The following FBXO34 variants were observed in gnomAD, a reference collection of about 807,000 sequenced individuals.
FBXO34 encodes F-box protein 34, also known as F-box only protein 34.
In FBXO34, 12 loss-of-function variants were observed where a neutral mutation model predicts 24.5. That is an observed-to-expected ratio of 0.49 (90% CI 0.31 to 0.79). FBXO34 has a LOEUF of 0.79. Ranked by LOEUF, FBXO34 falls within the 30% of genes least tolerant of loss-of-function variation. The pLI is 0.04. For missense variants in FBXO34, 823 were observed against 857.7 expected (o/e 0.96, Z 0.51); for synonymous variants, 320 against 311.9 (o/e 1.03, Z -0.27).
At chr14:55,287,947 T>C (rs1484044176) in intron 1 of FBXO34, among the ~76,000 whole-genome samples, 1 of 152,240 alleles carries the variant, frequency 6.6e-6, no homozygotes, top group African/African-American at 2.4e-5. Context: ...GCCTGTGTTT[T>C]GACTGTGACC....
At chr14:55,437,118 A>T in the FBXO34 span, 1 of 1,039,398 alleles carries the variant, frequency 9.6e-7, no homozygotes, top group Non-Finnish European at 1.5e-6. Flanking sequence ...CAATGTATTC[A>T]GTGTAAGAGG....
the FBXO34 span, among the ~76,000 whole-genome samples, chr14:55,419,508 C>G: frequency 6.6e-6 from 1 of 152,164 alleles, no homozygotes; most frequent in Non-Finnish European, 1.5e-5. Context: ...AAATGTCACA[C>G]CAGCCACAGA....
chr14:55,303,272 TGAACC>T lies in FBXO34; in HGVS notation c.-11+31736_-11+31740del, dbSNP rs570706154. Among the ~76,000 whole-genome samples, 304 of 152,212 alleles carry T rather than the reference TGAACC, an allele frequency of 2.0e-3. 1 individual carries two copies. Among genetic ancestry groups the T allele is most frequent in the Middle Eastern group, 0.01 (3 of 292 alleles). On this transcript the variant is annotated intron_variant, in intron 1 of 1. Coordinates refer to ENST00000313833, the MANE Select transcript of FBXO34 (RefSeq NM_017943.4). ...TTTGCTTTGAACAAAGTAGACAGAG[TGAACC>T]TGCATAATTATAGTATCAGCTGGAT...
chr14:55,433,634 T>G, the FBXO34 span: 2 of 1,614,048 alleles, frequency 1.2e-6, no homozygotes, highest in Non-Finnish European at 1.7e-6. Context: ...TCATACCTTT[T>G]GGCTCCCGTG....
chr14:55,370,034 C>T (rs1442063462), downstream of FBXO34: 3 of 1,050,474 alleles, frequency 2.9e-6, no homozygotes, highest in South Asian at 3.9e-5. Context: ...ACGCCGCACA[C>T]CCCATTCATT....
intron 1 of FBXO34, chr14:55,339,541 A>T (rs1883921063): frequency 6.6e-6 from 1 of 152,200 alleles, no homozygotes; most frequent in Non-Finnish European, 1.5e-5. Flanking sequence ...CACAACAATG[A>T]AGATTCCCTC....
chr14:55,438,808 T>C, the FBXO34 span: 1 of 152,310 alleles, frequency 6.6e-6, no homozygotes, highest in Admixed American at 6.5e-5. Context: ...TCTCAGAACC[T>C]TTCCTGTCTG....
chr14:55,338,921 C>CAA (rs59912336), intron 1 of FBXO34, among the ~76,000 whole-genome samples: 1 of 134,606 alleles, frequency 7.4e-6, no homozygotes, highest in Non-Finnish European at 1.6e-5. Flanking sequence ...CAAAAAAAAA[C>CAA]AAAAAAAAAA....
downstream of FBXO34, among the ~76,000 whole-genome samples, chr14:55,357,833 A>G (rs1408014309): frequency 6.6e-6 from 1 of 152,240 alleles, no homozygotes; most frequent in Non-Finnish European, 1.5e-5. Context: ...AAGTTCTTAA[A>G]AAACTAAAAA....
At chr14:55,311,707 C>T (rs1247562087) in intron 1 of FBXO34, among the ~76,000 whole-genome samples, 1 of 152,056 alleles carries the variant, frequency 6.6e-6, no homozygotes, top group Non-Finnish European at 1.5e-5. Context: ...GCTGGGCAGT[C>T]ATTAAATCCT....
the FBXO34 span, among the ~76,000 whole-genome samples, chr14:55,420,495 G>A: frequency 6.6e-6 from 1 of 151,548 alleles, no homozygotes; most frequent in African/African-American, 2.4e-5. Context: ...AGCATGAACA[G>A]GTAAAACGCC....
At chr14:55,361,869 G>A (rs1441700103) in exon 4 of FBXO34, 1 of 152,204 alleles carries the variant, frequency 6.6e-6, no homozygotes, top group Non-Finnish European at 1.5e-5. Flanking sequence ...TTAAGGTAAT[G>A]TGGCTGGTTT....
the FBXO34 span, chr14:55,386,084 A>G: frequency 6.2e-7 from 1 of 1,608,802 alleles, no homozygotes; most frequent in Non-Finnish European, 8.5e-7. Flanking sequence ...GGTTTTGAGA[A>G]GGCCTTCAGA....
At chr14:55,347,739 A>G (rs1457602091) in intron 1 of FBXO34, among the ~76,000 whole-genome samples, 1 of 152,228 alleles carries the variant, frequency 6.6e-6, no homozygotes, top group Non-Finnish European at 1.5e-5. Context: ...CTGTAATTAC[A>G]TTAGTTTCTT....
At chr14:55,345,562 A>G (rs1253001212) in intron 1 of FBXO34, among the ~76,000 whole-genome samples, 2 of 151,988 alleles carry the variant, frequency 1.3e-5, no homozygotes, top group East Asian at 3.9e-4. Flanking sequence ...CCGTCTCCCC[A>G]TGGGCTCTCA....
chr14:55,283,624 C>G (rs1332457307), intron 1 of FBXO34, among the ~76,000 whole-genome samples: 1 of 151,912 alleles, frequency 6.6e-6, no homozygotes, highest in East Asian at 1.9e-4. Flanking sequence ...ACCACCATGC[C>G]CGACTAATGT....
intron 1 of FBXO34, among the ~76,000 whole-genome samples, chr14:55,327,072 G>T (rs1164641054): frequency 1.3e-5 from 2 of 152,164 alleles, no homozygotes; most frequent in African/African-American, 2.4e-5. Context: ...AAGGGGAATA[G>T]GGAGTGTGGG....
chr14:55,417,674 C>T, the FBXO34 span, among the ~76,000 whole-genome samples: 1 of 152,140 alleles, frequency 6.6e-6, no homozygotes, highest in Non-Finnish European at 1.5e-5. Context: ...GTTGCCCAGG[C>T]TGGTCTCAAA....
chr14:55,298,870 C>T, intron 1 of FBXO34: 1 of 1,607,780 alleles, frequency 6.2e-7, no homozygotes, highest in South Asian at 1.1e-5. Flanking sequence ...ACATTATCAA[C>T]CATCGAGTTC....
Sources: allele counts gnomAD v4.1 joint callset (sites outside exome capture counted in the v4.1 genomes callset), GRCh38; gene constraint gnomAD v4.1.1; transcripts MANE v1.5; gene names NCBI Gene and HGNC (gene_info 2026-07-23, HGNC 2026-07-21).